The following COL24A1 variants were observed in gnomAD, a reference collection of about 807,000 sequenced individuals.
COL24A1 encodes collagen alpha-1(XXIV) chain.
COL24A1 carries 224 observed loss-of-function variants against 253.9 expected under a neutral mutation model. The observed-to-expected ratio is 0.88, with a 90% CI of 0.79 to 0.99. The LOEUF (loss-of-function observed/expected upper bound fraction) is 0.99, where lower values mean the gene tolerates loss of function less well. Ranked by LOEUF, COL24A1 falls within the 50% of genes least tolerant of loss-of-function variation. COL24A1 has a pLI of 0.00. For missense variants in COL24A1, 2,131 were observed against 2,068.5 expected, an observed-to-expected ratio of 1.03 and a Z score of -0.59; for synonymous variants, 685 against 673.7, an observed-to-expected ratio of 1.02 and a Z score of -0.26.
chr1:85,943,563 T>C (rs1009873938), intron 24 of COL24A1, among the ~76,000 whole-genome samples: 3 of 152,224 alleles, frequency 2.0e-5, no homozygotes, highest in Non-Finnish European at 4.4e-5. Flanking sequence ...ATGAGGCTAC[T>C]GAATAGTGAA....
chr1:86,079,935 A>G (rs890895875), intron 7 of COL24A1, among the ~76,000 whole-genome samples: 2 of 152,174 alleles, frequency 1.3e-5, no homozygotes, highest in Middle Eastern at 3.2e-3. Context: ...ACCCAGAAGA[A>G]AAGAAATCAG....
chr1:86,112,251 A>G (rs1172981388), intron 5 of COL24A1, among the ~76,000 whole-genome samples: 2 of 152,144 alleles, frequency 1.3e-5, no homozygotes, highest in East Asian at 3.8e-4. Context: ...TTTAAGGTAA[A>G]TTACTCAAAT....
At chr1:85,813,962 T>C (rs537720503) in intron 47 of COL24A1, among the ~76,000 whole-genome samples, 4 of 152,336 alleles carry the variant, frequency 2.6e-5, no homozygotes, top group Non-Finnish European at 5.9e-5. Flanking sequence ...CCATGTTGAC[T>C]GGTGCCAATG....
intron 1 of COL24A1, among the ~76,000 whole-genome samples, chr1:86,148,768 G>A (rs1256498344): frequency 2.0e-5 from 3 of 152,090 alleles, no homozygotes; most frequent in Non-Finnish European, 4.4e-5. Context: ...ATTTGGGTTG[G>A]TTCCAAGTCT....
chr1:85,835,860 A>G (rs1675943555), intron 43 of COL24A1, among the ~76,000 whole-genome samples: 1 of 152,166 alleles, frequency 6.6e-6, no homozygotes, highest in Admixed American at 6.5e-5. Flanking sequence ...ACTACCCCAA[A>G]ATATGGCATC....
intron 32 of COL24A1, among the ~76,000 whole-genome samples, chr1:85,879,255 G>A (rs1681550164): frequency 1.1e-5 from 1 of 94,076 alleles, no homozygotes; most frequent in East Asian, 2.1e-4. Context: ...GGGTGTGTGT[G>A]TGTGTGTGTG....
intron 10 of COL24A1, among the ~76,000 whole-genome samples, chr1:86,056,953 A>G (rs1445604770): frequency 6.6e-6 from 1 of 152,158 alleles, no homozygotes; most frequent in African/African-American, 2.4e-5. Context: ...ATATTTGGCT[A>G]TTAAAAATAA....
At chr1:85,877,789 T>C (rs1681355025) in intron 32 of COL24A1, among the ~76,000 whole-genome samples, 2 of 152,262 alleles carry the variant, frequency 1.3e-5, no homozygotes, top group Admixed American at 6.5e-5. Flanking sequence ...ATAAGTATCA[T>C]ATATTGTGCT....
chr1:85,865,225 A>G (rs1679652887), intron 37 of COL24A1, among the ~76,000 whole-genome samples: 1 of 152,086 alleles, frequency 6.6e-6, no homozygotes, highest in Non-Finnish European at 1.5e-5. Flanking sequence ...AATCCAAGGT[A>G]GCATCTTTGT....
rs767613810 is a variant in COL24A1, at chr1:85,868,785, T to C, written c.3189A>G (p.Leu1063=). 1.9e-6 allele frequency: 3 copies of C among 1,569,924 alleles called. No homozygotes were observed. In the Admixed American group the frequency reaches 5.4e-5, roughly 28 times the overall value. The change falls in exon 36 of 60, where the codon TTA becomes TTG. Residue 1063 remains leucine (L), a synonymous_variant. Transcript: ENST00000370571. Reference sequence around the variant, plus strand: ...TAATCTTAAAAGTATAATTTACCTTTAACCCATCTTTTCCCTGGAGACCTT... The same window carrying C: ...TAATCTTAAAAGTATAATTTACCTTCAACCCATCTTTTCCCTGGAGACCTT... ...GEEGLQGKDG[L]KGVPGGRGLP...
intron 59 of COL24A1, among the ~76,000 whole-genome samples, chr1:85,733,099 T>C (rs1344992935): frequency 6.6e-6 from 1 of 152,208 alleles, no homozygotes; most frequent in Non-Finnish European, 1.5e-5. Flanking sequence ...TCTCTTCAAA[T>C]ATAGATAATA....
intron 1 of COL24A1, chr1:86,155,653 C>A (rs1400450488): frequency 6.6e-6 from 1 of 152,452 alleles, no homozygotes; most frequent in African/African-American, 2.4e-5. Flanking sequence ...GTGTCCTGCT[C>A]CCCTCCCCAG....
intron 14 of COL24A1, among the ~76,000 whole-genome samples, chr1:86,025,439 C>T (rs551431244): frequency 8.3e-4 from 127 of 152,286 alleles, no homozygotes; most frequent in African/African-American, 2.9e-3. Context: ...ATATGGTATA[C>T]TGTAGAAAGG....
chr1:85,891,167 C>T (rs900795245), intron 31 of COL24A1, among the ~76,000 whole-genome samples: 5 of 151,686 alleles, frequency 3.3e-5, no homozygotes, highest in South Asian at 2.1e-4. Context: ...TCTCCTGCCT[C>T]GGCCTCCCGA....
chr1:86,074,443 C>T (rs1279505737), intron 7 of COL24A1, among the ~76,000 whole-genome samples: 1 of 151,672 alleles, frequency 6.6e-6, no homozygotes, highest in African/African-American at 2.4e-5. Flanking sequence ...ACAGGAGTAC[C>T]CGGATTCATA....
chr1:86,022,615 A>G, intron 16 of COL24A1, 24 bp from the exon 17 acceptor site: 2 of 1,605,422 alleles, frequency 1.2e-6, no homozygotes, highest in East Asian at 2.2e-5. Flanking sequence ...TTTCATGCAA[A>G]GATACTTATG....
At chr1:86,142,635 T>G (rs1651325830) in intron 2 of COL24A1, among the ~76,000 whole-genome samples, 1 of 150,732 alleles carries the variant, frequency 6.6e-6, no homozygotes, top group Non-Finnish European at 1.5e-5. Context: ...CATAAAGTAG[T>G]ACATAAAACA....
intron 2 of COL24A1, among the ~76,000 whole-genome samples, chr1:86,133,764 G>A (rs1330483536): frequency 6.6e-6 from 1 of 151,946 alleles, no homozygotes; most frequent in African/African-American, 2.4e-5. Context: ...GTATTTTATT[G>A]AGGATGTTTG....
chr1:85,838,519 A>G (rs571813517), intron 43 of COL24A1, 66 bp downstream of exon 43: 1 of 1,419,858 alleles, frequency 7.0e-7, no homozygotes, highest in Non-Finnish European at 9.9e-7. Context: ...TGGAATGGAA[A>G]AAATGGAATA....
Sources: gnomAD v4.1 joint callset for allele counts (sites outside exome capture counted in the v4.1 genomes callset) on GRCh38, gnomAD v4.1.1 for gene constraint, MANE v1.5 for transcripts, NCBI Gene and HGNC (gene_info 2026-07-23, HGNC 2026-07-21) for gene names.